The following RGS6 variants were observed in gnomAD, a reference collection of about 807,000 sequenced individuals.
RGS6 encodes regulator of G protein signaling 6.
Under a neutral mutation model 78.5 loss-of-function variants are expected in RGS6, and 30 were observed. The observed-to-expected ratio is 0.38, with a 90% CI of 0.29 to 0.52. The LOEUF (loss-of-function observed/expected upper bound fraction) is 0.52, where lower values mean the gene tolerates loss of function less well. Ranked by LOEUF, RGS6 falls within the 20% of genes least tolerant of loss-of-function variation. The pLI, the probability that RGS6 is intolerant of heterozygous loss-of-function variation, is 0.85. For missense variants in RGS6, 495 were observed against 609.7 expected (o/e 0.81, Z 1.98); for synonymous variants, 206 against 206.0 (o/e 1.00, Z 0.00).
intron 2 of RGS6, among the ~76,000 whole-genome samples, chr14:72,133,042 C>T (rs1284714091): frequency 6.6e-6 from 1 of 152,136 alleles, no homozygotes; most frequent in African/African-American, 2.4e-5. Context: ...ACTGGGATGA[C>T]TTCCTCCAAG....
intron 2 of RGS6, among the ~76,000 whole-genome samples, chr14:72,045,230 A>G (rs1057034333): frequency 2.0e-5 from 3 of 152,212 alleles, no homozygotes; most frequent in Admixed American, 6.5e-5. Flanking sequence ...TTCCTATCCG[A>G]TAAGTCCAGT....
chr14:72,417,543 T>C (rs916402761), intron 3 of RGS6, among the ~76,000 whole-genome samples: 2 of 152,206 alleles, frequency 1.3e-5, no homozygotes, highest in African/African-American at 4.8e-5. Flanking sequence ...GTAGACCCTC[T>C]GGCACTCTCT....
At chr14:71,876,098 G>A in the RGS6 span, among the ~76,000 whole-genome samples, 11 of 152,278 alleles carry the variant, frequency 7.2e-5, no homozygotes, top group East Asian at 2.1e-3. Context: ...GTACGATGTG[G>A]TGCTAAGAAG....
At chr14:72,168,302 G>A (rs1266546623) in intron 2 of RGS6, among the ~76,000 whole-genome samples, 1 of 152,120 alleles carries the variant, frequency 6.6e-6, no homozygotes, top group East Asian at 1.9e-4. Flanking sequence ...GCCTCGGAAT[G>A]TGGCAAGGTC....
chr14:72,557,340 G>C (rs1320922658), intron 17 of RGS6, among the ~76,000 whole-genome samples: 1 of 152,236 alleles, frequency 6.6e-6, no homozygotes, highest in Non-Finnish European at 1.5e-5. Context: ...AGACATCATT[G>C]AGGAAGAAGA....
At chr14:72,492,181 AT>A (rs973607975) in intron 12 of RGS6, among the ~76,000 whole-genome samples, 2 of 152,226 alleles carry the variant, frequency 1.3e-5, no homozygotes, top group African/African-American at 4.8e-5. Context: ...GCATAAATGC[AT>A]TTATTTCATC....
upstream of RGS6, among the ~76,000 whole-genome samples, chr14:71,929,069 T>G (rs1384324019): frequency 1.3e-5 from 2 of 152,244 alleles, no homozygotes; most frequent in Non-Finnish European, 2.9e-5. Context: ...TGAGGGTAAG[T>G]TGCAGATGTG....
At chr14:71,888,976 A>C in the RGS6 span, among the ~76,000 whole-genome samples, 1 of 152,206 alleles carries the variant, frequency 6.6e-6, no homozygotes, top group Non-Finnish European at 1.5e-5. Context: ...CATTATTGTC[A>C]TCTAACACAA....
chr14:72,097,551 G>A (rs189721043), intron 2 of RGS6, among the ~76,000 whole-genome samples: 2 of 152,280 alleles, frequency 1.3e-5, no homozygotes, highest in East Asian at 1.9e-4. Flanking sequence ...CAGGAAGGCC[G>A]CAATTAGCAG....
intron 9 of RGS6, 91 bp from the exon 10 acceptor site, chr14:72,474,534 G>A: frequency 2.5e-6 from 3 of 1,186,372 alleles, no homozygotes; most frequent in Non-Finnish European, 3.6e-6. Flanking sequence ...AATGGAAAAA[G>A]ATAAAGATTG....
chr14:72,107,406 C>T (rs1024034135), intron 2 of RGS6, among the ~76,000 whole-genome samples: 4 of 152,044 alleles, frequency 2.6e-5, no homozygotes, highest in South Asian at 2.1e-4. Flanking sequence ...TATTTGATTC[C>T]TTCCTTTTTT....
intron 2 of RGS6, among the ~76,000 whole-genome samples, chr14:72,265,967 G>C (rs1296331470): frequency 6.6e-6 from 1 of 151,722 alleles, no homozygotes; most frequent in Non-Finnish European, 1.5e-5. Context: ...CAGGTGGGAG[G>C]TGTACAGCTC....
intron 3 of RGS6, among the ~76,000 whole-genome samples, chr14:72,445,780 T>G (rs1401174973): frequency 6.6e-6 from 1 of 152,236 alleles, no homozygotes; most frequent in East Asian, 1.9e-4. Flanking sequence ...CCTGCTCTCT[T>G]GGAGCTACAG....
chr14:71,885,601 A>C, the RGS6 span, among the ~76,000 whole-genome samples: 1 of 152,226 alleles, frequency 6.6e-6, no homozygotes, highest in Non-Finnish European at 1.5e-5. Context: ...CTCAGGAATC[A>C]CATCAAAGAG....
intron 2 of RGS6, among the ~76,000 whole-genome samples, chr14:71,980,284 G>T (rs2094379435): frequency 8.3e-6 from 1 of 120,776 alleles, no homozygotes; most frequent in Non-Finnish European, 1.7e-5. Context: ...ATTGTTATGT[G>T]TGAATTTGAT....
chr14:71,991,920 A>G, intron 2 of RGS6, among the ~76,000 whole-genome samples: 1 of 152,208 alleles, frequency 6.6e-6, no homozygotes, highest in East Asian at 1.9e-4. Context: ...TGTGTAAATG[A>G]ATGGACATGT....
intron 2 of RGS6, among the ~76,000 whole-genome samples, chr14:72,268,681 G>A (rs1265246648): frequency 6.6e-6 from 1 of 152,200 alleles, no homozygotes; most frequent in Non-Finnish European, 1.5e-5. Flanking sequence ...CATCCACCCT[G>A]TGCTGGGAGA....
chr14:72,533,595 G>A (rs1175883467), intron 15 of RGS6, among the ~76,000 whole-genome samples: 2 of 152,168 alleles, frequency 1.3e-5, no homozygotes, highest in Non-Finnish European at 2.9e-5. Flanking sequence ...TCACCCTTCT[G>A]GTGGATGCCA....
intron 1 of RGS6, among the ~76,000 whole-genome samples, chr14:71,933,969 G>A (rs2088449084): frequency 6.6e-6 from 1 of 152,106 alleles, no homozygotes; most frequent in Non-Finnish European, 1.5e-5. Context: ...GAAACTGTTA[G>A]GTTTAGTTAA....
Sources: allele counts gnomAD v4.1 joint callset (sites outside exome capture counted in the v4.1 genomes callset), GRCh38; gene constraint gnomAD v4.1.1; transcripts MANE v1.5; gene names NCBI Gene and HGNC (gene_info 2026-07-23, HGNC 2026-07-21).